The following ACTR3 variants were observed in gnomAD, a reference collection of about 807,000 sequenced individuals.
The protein encoded by ACTR3 is actin-related protein 3.
In ACTR3, 12 loss-of-function variants were observed where a neutral mutation model predicts 56.8. The ratio of observed to expected loss-of-function variants is 0.21; its 90% CI spans 0.14 to 0.34. The LOEUF (loss-of-function observed/expected upper bound fraction) is 0.34, where lower values mean the gene tolerates loss of function less well. Ranked by LOEUF, ACTR3 falls within the 10% of genes least tolerant of loss-of-function variation. The probability of loss-of-function intolerance (pLI) is 1.00; values close to 1 mark genes in which losing one functional copy is unlikely to be tolerated. For missense variants in ACTR3, 282 were observed against 512.5 expected (o/e 0.55, Z 4.34); for synonymous variants, 162 against 167.4 (o/e 0.97, Z 0.25).
At chr2:113,892,509 T>C (rs1275434294) in intron 1 of ACTR3, among the ~76,000 whole-genome samples, 1 of 152,184 alleles carries the variant, frequency 6.6e-6, no homozygotes, top group East Asian at 1.9e-4. Flanking sequence ...CTTTTTGGTC[T>C]TACAAGTTTC....
At chr2:113,938,034 A>T (rs1020052459) in intron 6 of ACTR3, among the ~76,000 whole-genome samples, 2 of 151,698 alleles carry the variant, frequency 1.3e-5, no homozygotes, top group Non-Finnish European at 1.5e-5. Context: ...ATTTTTTTAT[A>T]ATCTTTTTCT....
rs1216315629 is a variant in ACTR3, at chr2:113,957,780, C to T, written c.*325C>T. ...GGGATTTATCAGTGTGTAGATAGCT[C>T]TATAATGCTTGAATTGTACACTTCT... is the stretch of plus-strand genomic sequence containing the variant. On this transcript the variant is annotated 3_prime_UTR_variant, in exon 12 of 12. Transcript: ENST00000263238. The T allele has an allele frequency of 9.3e-6, 2 of 214,192 alleles. No homozygotes were observed. The highest frequency in any genetic ancestry group is 1.9e-4 in the East Asian group (2 of 10,330). 13.3% of individuals were successfully genotyped at this position (214,192 alleles called of 1,614,324 possible).
rs1679937522 is a variant in ACTR3, at chr2:113,942,287, C to T, written c.786C>T (p.Ile262=). The part of the protein sequence containing the change: ...WIKQYTGINA[I]SKKEFSIDVG... ...AACAGTATACTGGAATCAATGCTAT[C>T]TCAAAGAAAGAGTTTTCTATCGATG... The change falls in exon 8 of 12, where the codon ATC becomes ATT. Residue 262 remains isoleucine, a synonymous_variant. Transcript: ENST00000263238. 6.2e-6 allele frequency: 10 copies of T among 1,603,854 alleles called. No individual in the cohort carries two copies. The highest frequency in any genetic ancestry group is 8.5e-6 in the Non-Finnish European group (10 of 1,175,874).
At chr2:113,951,203 G>T in intron 8 of ACTR3, 1 of 264,894 alleles carries the variant, frequency 3.8e-6, no homozygotes, top group Non-Finnish European at 7.3e-6. Context: ...CTCTCACAGC[G>T]TTATATGAAA....
At chr2:113,914,677 A>G (rs1679371829) in intron 2 of ACTR3, among the ~76,000 whole-genome samples, 1 of 151,928 alleles carries the variant, frequency 6.6e-6, no homozygotes, top group Non-Finnish European at 1.5e-5. Flanking sequence ...TGCACCTAAA[A>G]GGGGAAATGG....
intron 1 of ACTR3, chr2:113,904,094 T>C (rs2104585625): frequency 6.6e-6 from 1 of 151,292 alleles, no homozygotes; most frequent in African/African-American, 2.4e-5. Flanking sequence ...TCTCCTGACC[T>C]CGTGATCCGC....
intron 1 of ACTR3, among the ~76,000 whole-genome samples, chr2:113,896,258 G>C (rs980726564): frequency 3.9e-5 from 6 of 152,214 alleles, no homozygotes; most frequent in African/African-American, 1.4e-4. Context: ...TATAATAATT[G>C]GTTGGCTTTC....
chr2:113,960,750 C>T lies in ACTR3; in HGVS notation c.*3295C>T, dbSNP rs1204580083. ...GTTCATAGTCACCAGGCATGAGTAC[C>T]TTGGATAGCCCTCTGAAGTCTGTTA... On this transcript the variant is annotated 3_prime_UTR_variant, in exon 12 of 12. Coordinates refer to ENST00000263238, the MANE Select transcript of ACTR3 (RefSeq NM_005721.5). The T allele has an allele frequency of 6.6e-6, 1 of 151,910 alleles. No individual in the cohort carries two copies. Among genetic ancestry groups the T allele is most frequent in the African/African-American group, 2.4e-5 (1 of 41,402 alleles). The allele number at this position is 151,910 out of a possible 1,614,324, so 9.4% of individuals were successfully genotyped here.
chr2:113,945,334 G>A (rs532267465), intron 8 of ACTR3, among the ~76,000 whole-genome samples: 1 of 152,222 alleles, frequency 6.6e-6, no homozygotes, highest in Non-Finnish European at 1.5e-5. Flanking sequence ...ATTGCTCTTG[G>A]TAGTAACCCC....
At chr2:113,932,701 T>C (rs1460964759) in intron 5 of ACTR3, among the ~76,000 whole-genome samples, 3 of 152,324 alleles carry the variant, frequency 2.0e-5, no homozygotes, top group African/African-American at 7.2e-5. Context: ...TGGTTGTAGA[T>C]GATAGTTTTG....
In ACTR3 at chr2:113,927,438, G is replaced by A. The variant is rs771153801; in HGVS notation, c.319G>A (p.Asp107Asn). The A allele has an allele frequency of 6.3e-7, 1 of 1,589,752 alleles. No individual in the cohort carries two copies. Among genetic ancestry groups the A allele is most frequent in the Non-Finnish European group, 8.6e-7 (1 of 1,166,880 alleles). The change falls in exon 4 of 12, where the codon GAC becomes AAC. Residue 107 changes from aspartate (D) to asparagine (N), a missense_variant. By Grantham distance (23) the Asp-to-Asn change is conservative. Coordinates refer to ENST00000263238, the MANE Select transcript of ACTR3 (RefSeq NM_005721.5). ...TAAATATTTAAGGGCAGAACCTGAA[G>A]ACCATTATTTTCTTTTGGTAAGTTA... is the stretch of plus-strand genomic sequence containing the variant. Reference protein sequence around the residue: ...IFKYLRAEPEDHYFLLTEPPL... With the variant: ...IFKYLRAEPENHYFLLTEPPL...
At chr2:113,926,226 T>C (rs970160441) in intron 3 of ACTR3, among the ~76,000 whole-genome samples, 1 of 152,240 alleles carries the variant, frequency 6.6e-6, no homozygotes, top group Admixed American at 6.5e-5. Flanking sequence ...CAGCAACTGC[T>C]GACAAACCAA....
rs1679907594 is a variant in ACTR3 at position 113,940,665 on chromosome 2, T to C, written c.684+563T>C. Among the ~76,000 whole-genome samples, 3 of 152,054 alleles carry C rather than the reference T, an allele frequency of 2.0e-5. No homozygotes were observed. In the South Asian group the frequency reaches 6.2e-4, roughly 32 times the overall value. On this transcript the variant is annotated intron_variant, in intron 7 of 11. Coordinates refer to ENST00000263238, the MANE Select transcript of ACTR3 (RefSeq NM_005721.5). Reference sequence around the variant, plus strand: ...CTTTAGCATCGTCTTTCAAACTTATTATTTGCCACATAACCAAAAAATTTC... The same window carrying C: ...CTTTAGCATCGTCTTTCAAACTTATCATTTGCCACATAACCAAAAAATTTC...
intron 6 of ACTR3, among the ~76,000 whole-genome samples, chr2:113,936,597 A>G (rs1011900410): frequency 1.3e-5 from 2 of 152,144 alleles, no homozygotes; most frequent in African/African-American, 4.8e-5. Context: ...TTATATTGTC[A>G]TTCATTTTAC....
At chr2:113,940,576 A>G (rs1456126528) in intron 7 of ACTR3, among the ~76,000 whole-genome samples, 1 of 152,104 alleles carries the variant, frequency 6.6e-6, no homozygotes, top group Non-Finnish European at 1.5e-5. Context: ...TATCTAAAGT[A>G]TTTTATTAAT....
intron 11 of ACTR3, 141 bp downstream of exon 11, chr2:113,955,847 A>C: frequency 1.8e-6 from 1 of 569,788 alleles, no homozygotes; most frequent in Non-Finnish European, 3.0e-6. Context: ...TCCTGGGTTA[A>C]AGTGATTCTC....
intron 1 of ACTR3, among the ~76,000 whole-genome samples, chr2:113,911,764 T>TA (rs972167846): frequency 1.2e-4 from 18 of 152,040 alleles, no homozygotes; most frequent in African/African-American, 4.3e-4. Context: ...TGAGACAGAG[T>TA]CTCACTCTGT....
At chr2:113,927,620 G>A (rs1679645604) in intron 4 of ACTR3, among the ~76,000 whole-genome samples, 165 bp downstream of exon 4, 2 of 152,080 alleles carry the variant, frequency 1.3e-5, no homozygotes, top group Admixed American at 6.5e-5. Context: ...ATGGCTACAG[G>A]AGAATAGTAG....
intron 7 of ACTR3, 160 bp downstream of exon 7, chr2:113,940,262 TAAAAG>T (rs1254835672): frequency 5.6e-6 from 3 of 531,190 alleles, no homozygotes; most frequent in African/African-American, 2.0e-5. Flanking sequence ...TTGTGTTTCT[TAAAAG>T]AAAATTATTA....
Sources: gnomAD v4.1 joint callset for allele counts (sites outside exome capture counted in the v4.1 genomes callset) on GRCh38, gnomAD v4.1.1 for gene constraint, MANE v1.5 for transcripts, NCBI Gene and HGNC (gene_info 2026-07-23, HGNC 2026-07-21) for gene names.